Variants in CDKAL1 observed in about 807,000 individuals in gnomAD.
The protein encoded by CDKAL1 is CDKAL1 threonylcarbamoyladenosine tRNA methylthiotransferase, also known as threonylcarbamoyladenosine tRNA methylthiotransferase.
CDKAL1 carries 32 observed loss-of-function variants against 68.2 expected under a neutral mutation model. That is an observed-to-expected ratio of 0.47 (90% CI 0.35 to 0.63). The LOEUF (loss-of-function observed/expected upper bound fraction) is 0.63. CDKAL1 is among the 30% of genes least tolerant of loss of function. CDKAL1 has a pLI of 0.00. For synonymous variants in CDKAL1, 234 were observed against 244.3 expected, an observed-to-expected ratio of 0.96 and a Z score of 0.39; for missense variants, 606 against 696.7, an observed-to-expected ratio of 0.87 and a Z score of 1.47.
At chr6:20,784,074 G>T (rs556558315) in intron 8 of CDKAL1, among the ~76,000 whole-genome samples, 1 of 151,964 alleles carries the variant, frequency 6.6e-6, no homozygotes, top group African/African-American at 2.4e-5. Context: ...TTAGCTGGGC[G>T]TGGCGGCGCG....
intron 9 of CDKAL1, among the ~76,000 whole-genome samples, chr6:20,945,817 C>T (rs892235516): frequency 6.6e-6 from 1 of 152,128 alleles, no homozygotes; most frequent in African/African-American, 2.4e-5. Flanking sequence ...TTATTTATTT[C>T]TATTTACATT....
intron 10 of CDKAL1, among the ~76,000 whole-genome samples, chr6:20,985,662 G>A (rs1766412895): frequency 6.6e-6 from 1 of 152,256 alleles, no homozygotes; most frequent in South Asian, 2.1e-4. Context: ...GCTCACACCT[G>A]TAATCCCAGC....
rs115544529 is a variant in CDKAL1 at position 21,079,273 on chromosome 6, T to A, written c.1236+14045T>A. ...TAGATTAAGATGGCCATATAAGCCA[T>A]GTTAAATAGCTTTAAACTGTCCTGT... On this transcript the variant is annotated intron_variant, in intron 12 of 15. Transcript: ENST00000274695. Among the ~76,000 whole-genome samples, 910 of 152,286 alleles carry A rather than the reference T, an allele frequency of 6.0e-3. 8 individuals are homozygous for A. Among genetic ancestry groups the A allele is most frequent in the African/African-American group, 0.02 (850 of 41,554 alleles).
At chr6:20,609,439 A>G (rs1581813786) in intron 4 of CDKAL1, among the ~76,000 whole-genome samples, 1 of 139,086 alleles carries the variant, frequency 7.2e-6, no homozygotes, top group African/African-American at 2.8e-5. Context: ...TCTGTCACCC[A>G]GGCTAGAATG....
chr6:20,658,494 A>G (rs542569764), intron 5 of CDKAL1, among the ~76,000 whole-genome samples: 6 of 152,244 alleles, frequency 3.9e-5, no homozygotes, highest in Non-Finnish European at 2.9e-5. Context: ...TCACTATAGG[A>G]AAGCACCTTC....
chr6:20,554,410 A>G (rs1763955510), intron 4 of CDKAL1, among the ~76,000 whole-genome samples: 1 of 151,948 alleles, frequency 6.6e-6, no homozygotes, highest in Non-Finnish European at 1.5e-5. Flanking sequence ...TCTTTGGGAG[A>G]TGTTGGTAAA....
In CDKAL1 at chr6:20,566,494, T is replaced by C. The variant is rs1764466346; in HGVS notation, c.286+17789T>C. On this transcript the variant is annotated intron_variant, in intron 4 of 15. Transcript: ENST00000274695. ...CAGTAATGGAGGAAATTATAAAATA[T>C]ACATAATTTTAATAGGACTTTATGT... 1.3e-5 allele frequency among the ~76,000 whole-genome samples: 2 copies of C among 152,042 alleles called. 1 individual carries two copies. Among genetic ancestry groups the C allele is most frequent in the South Asian group, 4.1e-4 (2 of 4,820 alleles).
intron 11 of CDKAL1, among the ~76,000 whole-genome samples, chr6:21,059,363 G>A (rs2150924137): frequency 6.6e-6 from 1 of 152,352 alleles, no homozygotes; most frequent in African/African-American, 2.4e-5. Flanking sequence ...GCTTGCTGCT[G>A]CTGGCTGCAA....
chr6:21,163,929 C>G (rs2151066991), intron 13 of CDKAL1, among the ~76,000 whole-genome samples: 1 of 151,970 alleles, frequency 6.6e-6, no homozygotes, highest in South Asian at 2.1e-4. Context: ...CCAGCCTGGG[C>G]AAGAGGAGCG....
chr6:20,795,244 C>G (rs1355687693), intron 8 of CDKAL1, among the ~76,000 whole-genome samples: 1 of 152,108 alleles, frequency 6.6e-6, no homozygotes, highest in Non-Finnish European at 1.5e-5. Flanking sequence ...GTTTTTACGA[C>G]TCAGTTTCTA....
At chr6:20,812,765 C>G (rs894637744) in intron 8 of CDKAL1, among the ~76,000 whole-genome samples, 2 of 152,024 alleles carry the variant, frequency 1.3e-5, no homozygotes, top group Non-Finnish European at 2.9e-5. Flanking sequence ...AGGGCTATAC[C>G]AACATTTGTT....
intron 8 of CDKAL1, among the ~76,000 whole-genome samples, chr6:20,804,249 A>G (rs984855899): frequency 5.9e-5 from 9 of 152,246 alleles, no homozygotes; most frequent in Non-Finnish European, 1.3e-4. Flanking sequence ...TACGGATACA[A>G]TGATGAAATA....
chr6:20,676,717 T>A (rs1295557350), intron 5 of CDKAL1, among the ~76,000 whole-genome samples: 6 of 127,224 alleles, frequency 4.7e-5, no homozygotes, highest in Admixed American at 1.4e-4. Flanking sequence ...TAAAATAAAA[T>A]AAAAAAGTCT....
intron 15 of CDKAL1, among the ~76,000 whole-genome samples, chr6:21,221,522 C>A (rs562850123): frequency 1.3e-5 from 2 of 152,232 alleles, no homozygotes; most frequent in Non-Finnish European, 2.9e-5. Context: ...GCCACCATGC[C>A]CAGCCAATTT....
chr6:20,857,447 G>A (rs1759394271), intron 9 of CDKAL1, among the ~76,000 whole-genome samples: 1 of 152,210 alleles, frequency 6.6e-6, no homozygotes. Context: ...ATGATGATGA[G>A]ATAGTAATCA....
chr6:20,822,400 T>G (rs763078334), intron 8 of CDKAL1, among the ~76,000 whole-genome samples: 7 of 152,100 alleles, frequency 4.6e-5, no homozygotes, highest in Non-Finnish European at 8.8e-5. Context: ...CACTGAATAT[T>G]TTAGGTCATC....
At chr6:20,877,462 C>T (rs1760579608) in intron 9 of CDKAL1, among the ~76,000 whole-genome samples, 1 of 152,214 alleles carries the variant, frequency 6.6e-6, no homozygotes, top group South Asian at 2.1e-4. Flanking sequence ...CACAGGCTGA[C>T]TAGGACCAAG....
chr6:21,219,178 G>A (rs577653547), intron 15 of CDKAL1, among the ~76,000 whole-genome samples: 1 of 152,156 alleles, frequency 6.6e-6, no homozygotes, highest in African/African-American at 2.4e-5. Context: ...TGGTATCTGT[G>A]GGGGATTGGT....
chr6:20,659,795 T>G (rs1242991406), intron 5 of CDKAL1, among the ~76,000 whole-genome samples: 5 of 152,226 alleles, frequency 3.3e-5, no homozygotes, highest in South Asian at 2.1e-4. Flanking sequence ...GCATTTCCAT[T>G]AGTATTGCCC....
Sources: gnomAD v4.1 joint callset for allele counts (sites outside exome capture counted in the v4.1 genomes callset) on GRCh38, gnomAD v4.1.1 for gene constraint, MANE v1.5 for transcripts, NCBI Gene and HGNC (gene_info 2026-07-23, HGNC 2026-07-21) for gene names.